Variants in LHFPL3 observed in about 807,000 individuals in gnomAD.
LHFPL3 encodes the protein LHFPL tetraspan subfamily member 3 protein.
A neutral mutation model predicts 19.3 loss-of-function variants in LHFPL3; 5 were observed. The observed-to-expected ratio is 0.26, with a 90% CI of 0.14 to 0.54. LHFPL3 has a LOEUF of 0.54. Among genes scored for constraint, LHFPL3 ranks in the 20% least tolerant of loss-of-function variants. LHFPL3 has a pLI of 0.94. For synonymous variants in LHFPL3, 133 were observed against 126.2 expected, an observed-to-expected ratio of 1.05 and a Z score of -0.36; for missense variants, 249 against 307.4, an observed-to-expected ratio of 0.81 and a Z score of 1.42.
chr7:104,364,264 T>TG (rs568157169), intron 1 of LHFPL3, among the ~76,000 whole-genome samples: 30 of 152,170 alleles, frequency 2.0e-4, no homozygotes, highest in Admixed American at 1.6e-3. Flanking sequence ...GTGGTGAGGG[T>TG]GGGGGGACTT....
At chr7:104,413,863 G>C (rs897209214) in intron 1 of LHFPL3, among the ~76,000 whole-genome samples, 1 of 152,014 alleles carries the variant, frequency 6.6e-6, no homozygotes, top group African/African-American at 2.4e-5. Flanking sequence ...GGAATCACCT[G>C]GTATTATTTT....
intron 1 of LHFPL3, among the ~76,000 whole-genome samples, chr7:104,571,865 GA>G (rs141014136): frequency 0.014 from 2,112 of 152,180 alleles, 45 homozygotes; most frequent in African/African-American, 0.048. Flanking sequence ...TGATTCTCTG[GA>G]TGCATTCTAT....
intron 1 of LHFPL3, among the ~76,000 whole-genome samples, chr7:104,603,066 T>TTTCTTTCTTTCTTTCTTTC (rs1791002946): frequency 9.2e-6 from 1 of 108,904 alleles, no homozygotes; most frequent in Non-Finnish European, 1.8e-5. Flanking sequence ...CTTTCTTTCT[T>TTTCTTTCTTTCTTTCTTTC]TTTCTTTCTT....
intron 2 of LHFPL3, among the ~76,000 whole-genome samples, chr7:104,828,141 A>C (rs964782857): frequency 6.6e-6 from 1 of 151,560 alleles, no homozygotes; most frequent in African/African-American, 2.4e-5. Flanking sequence ...TCTCCAGCTC[A>C]CTCCCGCCAT....
intron 1 of LHFPL3, among the ~76,000 whole-genome samples, chr7:104,640,038 T>C (rs759289052): frequency 5.3e-5 from 8 of 152,198 alleles, no homozygotes; most frequent in Admixed American, 1.3e-4. Flanking sequence ...TCCAGCATAG[T>C]TGAAAACTCT....
chr7:104,438,326 T>G (rs1792151874), intron 1 of LHFPL3, among the ~76,000 whole-genome samples: 1 of 152,252 alleles, frequency 6.6e-6, no homozygotes, highest in African/African-American at 2.4e-5. Flanking sequence ...TGGAAATACT[T>G]TTTTCAAGAT....
rs186475377 is a variant in LHFPL3, at chr7:104,517,451, C to G, written c.445+188227C>G. 5.6e-4 allele frequency among the ~76,000 whole-genome samples: 84 copies of G among 149,938 alleles called. 1 individual carries two copies. The East Asian group carries it at 0.012, about 22-fold the overall frequency. On this transcript the variant is annotated intron_variant, in intron 1 of 2. Coordinates refer to ENST00000424859, the MANE Select transcript of LHFPL3 (RefSeq NM_199000.3). Reference sequence around the variant, plus strand: ...ATATTATTTAATACAAATGTTAAATCAATCATCCTGTGATTTTTAACATAT... The same window carrying G: ...ATATTATTTAATACAAATGTTAAATGAATCATCCTGTGATTTTTAACATAT...
intron 1 of LHFPL3, among the ~76,000 whole-genome samples, chr7:104,339,466 G>A (rs1789904342): frequency 6.6e-6 from 1 of 152,082 alleles, no homozygotes. Flanking sequence ...TCTTTCCCTG[G>A]CCTACGGCAT....
chr7:104,859,271 A>AC, intron 2 of LHFPL3, among the ~76,000 whole-genome samples: 1 of 151,182 alleles, frequency 6.6e-6, no homozygotes, highest in Non-Finnish European at 1.5e-5. Flanking sequence ...TGTCTCAAAA[A>AC]AAAAAAAACA....
chr7:104,575,453 A>C (rs549921659), intron 1 of LHFPL3, among the ~76,000 whole-genome samples: 1 of 152,016 alleles, frequency 6.6e-6, no homozygotes, highest in South Asian at 2.1e-4. Flanking sequence ...CTGACCATAA[A>C]ATTCACTAAA....
intron 1 of LHFPL3, among the ~76,000 whole-genome samples, chr7:104,427,808 A>G (rs953972465): frequency 4.6e-5 from 7 of 152,218 alleles, no homozygotes; most frequent in Non-Finnish European, 1.0e-4. Context: ...ATTTTTATAC[A>G]CAGGTCATGG....
At chr7:104,612,815 C>T (rs1361122229) in intron 1 of LHFPL3, among the ~76,000 whole-genome samples, 1 of 152,148 alleles carries the variant, frequency 6.6e-6, no homozygotes, top group African/African-American at 2.4e-5. Flanking sequence ...CCAAATTATT[C>T]TCTTCCTTCT....
chr7:104,823,950 A>C (rs893605172), intron 2 of LHFPL3, among the ~76,000 whole-genome samples: 2 of 151,032 alleles, frequency 1.3e-5, no homozygotes, highest in African/African-American at 4.9e-5. Context: ...GTTCGAGACC[A>C]ACCTGGCCAG....
At chr7:104,641,526 C>T (rs1388131626) in intron 1 of LHFPL3, among the ~76,000 whole-genome samples, 2 of 152,178 alleles carry the variant, frequency 1.3e-5, no homozygotes, top group African/African-American at 2.4e-5. Flanking sequence ...ACCAGAGAAT[C>T]AGAACAGATT....
intron 1 of LHFPL3, among the ~76,000 whole-genome samples, chr7:104,619,144 A>C (rs893786062): frequency 6.6e-6 from 1 of 152,208 alleles, no homozygotes; most frequent in Non-Finnish European, 1.5e-5. Context: ...TGTTAGATAT[A>C]AATGACTTTA....
chr7:104,450,164 T>C (rs777597311), intron 1 of LHFPL3, among the ~76,000 whole-genome samples: 2 of 152,156 alleles, frequency 1.3e-5, no homozygotes, highest in Non-Finnish European at 1.5e-5. Context: ...TTCCTGAGCC[T>C]ATCAGAAATC....
chr7:104,838,949 G>C (rs937521352), intron 2 of LHFPL3, among the ~76,000 whole-genome samples: 5 of 152,180 alleles, frequency 3.3e-5, no homozygotes, highest in African/African-American at 1.2e-4. Context: ...AAACAATGCT[G>C]TAAGAGCCCA....
chr7:104,760,121 C>A (rs1239208065), intron 2 of LHFPL3, among the ~76,000 whole-genome samples: 1 of 152,196 alleles, frequency 6.6e-6, no homozygotes, highest in Non-Finnish European at 1.5e-5. Context: ...GCCTGAGAAT[C>A]TGCCCTTCTA....
At chr7:104,426,208 A>C (rs1202355774) in intron 1 of LHFPL3, among the ~76,000 whole-genome samples, 1 of 151,820 alleles carries the variant, frequency 6.6e-6, no homozygotes, top group African/African-American at 2.4e-5. Context: ...TGATAGGTAA[A>C]GCTTTGATTC....
Sources: gnomAD v4.1 joint callset for allele counts (sites outside exome capture counted in the v4.1 genomes callset) on GRCh38, gnomAD v4.1.1 for gene constraint, MANE v1.5 for transcripts, NCBI Gene and HGNC (gene_info 2026-07-23, HGNC 2026-07-21) for gene names.